Variants in SCRN1 observed in about 807,000 individuals in gnomAD.
The protein encoded by SCRN1 is secernin 1, also known as secernin-1.
In SCRN1, 19 loss-of-function variants were observed where a neutral mutation model predicts 43.3. That is an observed-to-expected ratio of 0.44 (90% CI 0.31 to 0.64). The LOEUF is 0.64. SCRN1 is among the 30% of genes least tolerant of loss of function. The probability of loss-of-function intolerance (pLI) is 0.09; values close to 1 mark genes in which losing one functional copy is unlikely to be tolerated. For synonymous variants in SCRN1, 183 were observed against 188.9 expected (o/e 0.97, Z 0.26); for missense variants, 447 against 524.1 (o/e 0.85, Z 1.44).
chr7:29,982,703 AAAG>A (rs1214412427), intron 1 of SCRN1, among the ~76,000 whole-genome samples: 1 of 151,120 alleles, frequency 6.6e-6, no homozygotes, highest in African/African-American at 2.4e-5. Flanking sequence ...AAAAAAAAAA[AAAG>A]AATGGTGAAG....
At chr7:29,937,455 T>G (rs879304267) in intron 5 of SCRN1, among the ~76,000 whole-genome samples, 1 of 152,142 alleles carries the variant, frequency 6.6e-6, no homozygotes, top group Non-Finnish European at 1.5e-5. Flanking sequence ...AACCTACTAT[T>G]TTTTTTAAGC....
At chr7:29,983,345 T>C (rs1789052127) in intron 1 of SCRN1, among the ~76,000 whole-genome samples, 1 of 150,770 alleles carries the variant, frequency 6.6e-6, no homozygotes, top group Non-Finnish European at 1.5e-5. Flanking sequence ...GAGATATACC[T>C]AATGCTAGAT....
chr7:29,961,184 G>C (rs1225199719), intron 2 of SCRN1, among the ~76,000 whole-genome samples: 1 of 140,860 alleles, frequency 7.1e-6, no homozygotes, highest in African/African-American at 2.7e-5. Flanking sequence ...GTGAACAAAG[G>C]TCTCTGGTTT....
intron 6 of SCRN1, among the ~76,000 whole-genome samples, chr7:29,934,108 T>C (rs1729735571): frequency 6.6e-6 from 1 of 152,200 alleles, no homozygotes; most frequent in African/African-American, 2.4e-5. Flanking sequence ...TCTACAGTCA[T>C]GGTAGGAAAT....
At chr7:29,961,123 AT>A (rs1788293449) in intron 2 of SCRN1, among the ~76,000 whole-genome samples, 1 of 108,058 alleles carries the variant, frequency 9.3e-6, no homozygotes, top group Admixed American at 1.1e-4. Context: ...ACAGAGGGGG[AT>A]TTGGCAGGGT....
chr7:29,976,887 T>C (rs550043222), intron 1 of SCRN1, among the ~76,000 whole-genome samples: 18 of 152,328 alleles, frequency 1.2e-4, no homozygotes, highest in African/African-American at 4.3e-4. Context: ...TACTGTACTC[T>C]CGTAACTAGG....
intron 3 of SCRN1, among the ~76,000 whole-genome samples, chr7:29,946,861 A>G (rs1787754351): frequency 6.6e-6 from 1 of 152,356 alleles, no homozygotes; most frequent in Admixed American, 6.5e-5. Context: ...GCCCTCTGCA[A>G]CTGAGAAATG....
At chr7:29,966,532 T>G (rs1305598675) in intron 2 of SCRN1, among the ~76,000 whole-genome samples, 6 of 151,512 alleles carry the variant, frequency 4.0e-5, no homozygotes, top group Non-Finnish European at 8.8e-5. Flanking sequence ...CAGCAAACTT[T>G]ATCTACACAG....
intron 2 of SCRN1, among the ~76,000 whole-genome samples, chr7:29,960,172 A>C (rs1478851103): frequency 1.3e-5 from 2 of 152,146 alleles, no homozygotes; most frequent in Non-Finnish European, 2.9e-5. Flanking sequence ...CACACACCCC[A>C]CACATCACAA....
At chr7:29,989,522 A>C (rs1789290124) in intron 1 of SCRN1, 120 bp downstream of exon 1, 1 of 979,330 alleles carries the variant, frequency 1.0e-6, no homozygotes. Flanking sequence ...GGGTAACGCT[A>C]CCCGCGGGTT....
rs28364761 is a variant in SCRN1 at position 29,922,379 on chromosome 7, C to T, written c.*1578G>A. The T allele has an allele frequency of 4.6e-5, 7 of 152,256 alleles. No homozygotes were observed. Among genetic ancestry groups the T allele is most frequent in the East Asian group, 3.9e-4 (2 of 5,186 alleles). 9.4% of individuals were successfully genotyped at this position (152,256 alleles called of 1,614,324 possible). ...CTGTTCACATCCATGTAACAGGGCT[C>T]GGTCCCCTCAAAATCTCATGATACA... On this transcript the variant is annotated 3_prime_UTR_variant, in exon 8 of 8. Transcript: ENST00000242059.
Position 29,955,246 on chromosome 7 carries a change from T to C in SCRN1, c.274A>G (p.Asn92Asp), listed in dbSNP as rs773148520. The C allele has an allele frequency of 5.0e-6, 8 of 1,614,170 alleles. No homozygotes were observed. The East Asian group carries it at 1.8e-4, about 36-fold the overall frequency. Residue 92 changes from asparagine (N) to aspartate (D), a missense_variant, in exon 3 of 8, where the codon AAT becomes GAT. Coordinates refer to ENST00000242059, the MANE Select transcript of SCRN1 (RefSeq NM_014766.5). Reference protein sequence around the residue: ...GANEHGVCIANEAINTREPAA... With the variant: ...GANEHGVCIADEAINTREPAA... ...GGCTCTCTGGTGTTGATGGCTTCAT[T>C]GGCTATGCACACTCCATGTTCATTG...
At chr7:29,969,768 G>T (rs1358671319) in intron 1 of SCRN1, 1 of 454,910 alleles carries the variant, frequency 2.2e-6, no homozygotes, top group Admixed American at 2.4e-5. Context: ...GTTACATGCT[G>T]ATGACTTACA....
intron 2 of SCRN1, among the ~76,000 whole-genome samples, chr7:29,962,596 G>A (rs957331147): frequency 4.6e-5 from 7 of 152,140 alleles, no homozygotes; most frequent in African/African-American, 1.7e-4. Flanking sequence ...GCTGAGGCAG[G>A]AGAATTGCTT....
intron 1 of SCRN1, among the ~76,000 whole-genome samples, chr7:29,979,800 A>T (rs139597906): frequency 3.2e-4 from 48 of 152,368 alleles, no homozygotes; most frequent in African/African-American, 1.1e-3. Flanking sequence ...AGGAACAGAT[A>T]ACTTATGTAG....
chr7:29,939,958 T>C (rs577173125), intron 5 of SCRN1, among the ~76,000 whole-genome samples: 249 of 150,346 alleles, frequency 1.7e-3, no homozygotes, highest in Non-Finnish European at 3.2e-3. Context: ...CAGACCAGCC[T>C]GGGCAACAAA....
rs764135391 is a variant in SCRN1 at position 29,943,999 on chromosome 7, G to C, written c.522C>G (p.Tyr174Ter). ...CACCTGTGACTTTCTCGGCAGCCCA[G>C]TACTTCCCTATGGTCTCGAGCACCC... ...EAWVLETIGKYWAAEKVTEGV... is the reference protein window; with the variant it reads ...EAWVLETIGK The change falls in exon 4 of 8, where the codon TAC becomes TAG. Residue 174 changes from tyrosine (Y) to a stop codon, truncating the protein, a stop_gained. Coordinates refer to ENST00000242059, the MANE Select transcript of SCRN1 (RefSeq NM_014766.5). LOFTEE classifies it high-confidence loss of function. 2 of 1,614,170 alleles carry C rather than the reference G, an allele frequency of 1.2e-6. No individual in the cohort carries two copies. Among genetic ancestry groups the C allele is most frequent in the Non-Finnish European group, 1.7e-6 (2 of 1,180,026 alleles).
intron 6 of SCRN1, among the ~76,000 whole-genome samples, chr7:29,929,483 A>T (rs990452065): frequency 6.9e-4 from 105 of 152,162 alleles, no homozygotes; most frequent in Non-Finnish European, 4.4e-4. Context: ...TCACTCCTAA[A>T]ACCTCAGTGC....
At chr7:29,984,233 G>T (rs1180643232) in intron 1 of SCRN1, among the ~76,000 whole-genome samples, 2 of 146,024 alleles carry the variant, frequency 1.4e-5, no homozygotes, top group African/African-American at 2.5e-5. Context: ...AAAGAAATCT[G>T]TTGAGATCCC....
Sources: gnomAD v4.1 joint callset for allele counts (sites outside exome capture counted in the v4.1 genomes callset) on GRCh38, gnomAD v4.1.1 for gene constraint, MANE v1.5 for transcripts, NCBI Gene and HGNC (gene_info 2026-07-23, HGNC 2026-07-21) for gene names.